The following PRKG1 variants were observed in gnomAD, a reference collection of about 807,000 sequenced individuals.
PRKG1 encodes cGMP-dependent protein kinase 1.
Under a neutral mutation model 88.1 loss-of-function variants are expected in PRKG1, and 35 were observed. The observed-to-expected ratio is 0.40, with a 90% CI of 0.30 to 0.53. The LOEUF (loss-of-function observed/expected upper bound fraction) is 0.53. PRKG1 is among the 20% of genes least tolerant of loss of function. The pLI, the probability that PRKG1 is intolerant of heterozygous loss-of-function variation, is 0.59. For missense variants in PRKG1, 540 were observed against 839.8 expected (o/e 0.64, Z 4.41); for synonymous variants, 303 against 292.5 (o/e 1.04, Z -0.37).
intron 5 of PRKG1, among the ~76,000 whole-genome samples, chr10:51,970,974 G>C (rs1298071348): frequency 6.6e-6 from 1 of 151,484 alleles, no homozygotes; most frequent in Non-Finnish European, 1.5e-5. Flanking sequence ...TACTAGAATG[G>C]CTAGACAACT....
intron 7 of PRKG1, among the ~76,000 whole-genome samples, chr10:52,074,574 C>G (rs1246760510): frequency 6.6e-6 from 1 of 152,112 alleles, no homozygotes; most frequent in African/African-American, 2.4e-5. Flanking sequence ...AAATGTTTCA[C>G]TTGGAGTTAA....
At chr10:52,183,772 G>A (rs369743213) in intron 9 of PRKG1, among the ~76,000 whole-genome samples, 79 of 152,310 alleles carry the variant, frequency 5.2e-4, no homozygotes, top group African/African-American at 1.7e-3. Context: ...GAGGGAGTGC[G>A]CATGTTGTGT....
chr10:51,136,190 G>A (rs923912274), intron 1 of PRKG1, among the ~76,000 whole-genome samples: 4 of 152,018 alleles, frequency 2.6e-5, no homozygotes, highest in Non-Finnish European at 4.4e-5. Flanking sequence ...GGATAAGTTC[G>A]AAGGTGACCT....
chr10:52,112,188 C>T (rs1194854574), intron 7 of PRKG1, among the ~76,000 whole-genome samples: 2 of 152,202 alleles, frequency 1.3e-5, no homozygotes, highest in Non-Finnish European at 2.9e-5. Flanking sequence ...TCCTTTTTCA[C>T]ATACTCACTC....
At chr10:51,086,857 C>T (rs1044769645) in intron 1 of PRKG1, among the ~76,000 whole-genome samples, 9 of 152,170 alleles carry the variant, frequency 5.9e-5, no homozygotes, top group Admixed American at 1.3e-4. Context: ...AGTCATCTAT[C>T]GTAATAGAGC....
At chr10:51,990,450 TC>T (rs1256697939) in intron 5 of PRKG1, among the ~76,000 whole-genome samples, 1 of 152,174 alleles carries the variant, frequency 6.6e-6, no homozygotes, top group African/African-American at 2.4e-5. Context: ...TATCAGTTCT[TC>T]CAATCCATGA....
chr10:50,991,730 T>C lies in PRKG1; in HGVS notation c.266+86T>C. ...CTCTGGCCGCGGCGGCGGGGGCGGG[T>C]CGGCCCAGGGCGCCCCCTGCTCGCT... On this transcript the variant is annotated intron_variant, in intron 1 of 17. Coordinates refer to the PRKG1 transcript ENST00000401604. This position sits in a 1 kb window ranked among gnomAD's most constrained non-coding sequence, Gnocchi z 4.5. The C allele has an allele frequency of 9.5e-7, 1 of 1,048,726 alleles. No individual in the cohort carries two copies. The allele number at this position is 1,048,726 out of a possible 1,614,324, so 65.0% of individuals were successfully genotyped here.
intron 5 of PRKG1, among the ~76,000 whole-genome samples, chr10:51,985,533 T>G (rs1026306083): frequency 2.6e-5 from 4 of 152,212 alleles, no homozygotes; most frequent in Non-Finnish European, 5.9e-5. Flanking sequence ...TTAAGATTGC[T>G]TCTGTCAGCT....
At chr10:51,209,243 C>A (rs1838149309) in intron 2 of PRKG1, among the ~76,000 whole-genome samples, 1 of 152,050 alleles carries the variant, frequency 6.6e-6, no homozygotes, top group African/African-American at 2.4e-5. Context: ...AAATGTATTC[C>A]TTTATTGGTG....
chr10:52,161,979 C>G lies in PRKG1; in HGVS notation c.1076+16C>G. 1.3e-6 allele frequency: 2 copies of G among 1,593,886 alleles called. No individual in the cohort carries two copies. Among genetic ancestry groups the G allele is most frequent in the East Asian group, 2.2e-5 (1 of 44,648 alleles). ...CTAAAGCAAAGTAAGTGACTTTTTT[C>G]CTTAATTTTGATTGCAAAATGATTT... is the stretch of plus-strand genomic sequence containing the variant. On this transcript the variant is annotated intron_variant, in intron 9 of 17. Transcript: ENST00000373980.
At chr10:51,820,176 A>T (rs1212017011) in intron 4 of PRKG1, among the ~76,000 whole-genome samples, 1 of 152,178 alleles carries the variant, frequency 6.6e-6, no homozygotes, top group African/African-American at 2.4e-5. Context: ...GTTATATGCA[A>T]CTATTTTCCT....
At position 52,161,871 on chromosome 10, in the gene PRKG1, GC is replaced by G. The variant is rs1564496045; in HGVS notation, c.1002-17del. On this transcript the variant is annotated splice_polypyrimidine_tract_variant and intron_variant, in intron 8 of 17. Transcript: ENST00000373980. The stretch of plus-strand genomic sequence containing the variant: ...TATTTTGTAGAAGATTAATCACTGT[GC>G]TTTTTTCGTCTGACAGCTCTTTTAA... 7.5e-6 allele frequency: 12 copies of G among 1,609,892 alleles called. No individual in the cohort carries two copies. The highest frequency in any genetic ancestry group is 5.3e-5 in the African/African-American group (4 of 74,786).
intron 4 of PRKG1, among the ~76,000 whole-genome samples, chr10:51,808,387 A>G (rs1257822110): frequency 6.6e-6 from 1 of 152,132 alleles, no homozygotes; most frequent in Non-Finnish European, 1.5e-5. Flanking sequence ...GTTTGAGCTC[A>G]GGAGTTTGAA....
At chr10:51,921,589 CT>C (rs1034234670) in intron 5 of PRKG1, among the ~76,000 whole-genome samples, 3 of 151,992 alleles carry the variant, frequency 2.0e-5, no homozygotes, top group African/African-American at 4.8e-5. Flanking sequence ...AAACTTACCC[CT>C]ATTCTTAGTT....
At chr10:52,082,088 CA>C (rs1451483271) in intron 7 of PRKG1, among the ~76,000 whole-genome samples, 2 of 152,100 alleles carry the variant, frequency 1.3e-5, no homozygotes, top group African/African-American at 2.4e-5. Flanking sequence ...TCCTTCTTCA[CA>C]TGAAGGCGGC....
chr10:51,335,806 A>G (rs1348267272), intron 2 of PRKG1, among the ~76,000 whole-genome samples: 2 of 152,210 alleles, frequency 1.3e-5, no homozygotes, highest in African/African-American at 4.8e-5. Context: ...AAGATCATTG[A>G]GTAGTTAATA....
intron 6 of PRKG1, among the ~76,000 whole-genome samples, chr10:52,062,030 A>G (rs1846247900): frequency 6.6e-6 from 1 of 152,190 alleles, no homozygotes; most frequent in Non-Finnish European, 1.5e-5. Context: ...AAGTAAATAT[A>G]TTTACATAAT....
chr10:52,224,137 A>G (rs1196612081), intron 9 of PRKG1, among the ~76,000 whole-genome samples: 1 of 152,114 alleles, frequency 6.6e-6, no homozygotes, highest in African/African-American at 2.4e-5. Flanking sequence ...ACAAGGCCCC[A>G]GACAACTTGC....
At position 51,451,198 on chromosome 10, in the gene PRKG1, C is replaced by CT. The variant is rs558497153; in HGVS notation, c.479-16524dup. Reference sequence around the variant, plus strand: ...TAAATAATAAGACCTAACAGTATGTCTAATAACTACCATGAGTTTAAGGGA... The same window carrying CT: ...TAAATAATAAGACCTAACAGTATGTCTTAATAACTACCATGAGTTTAAGGGA... On this transcript the variant is annotated intron_variant, in intron 2 of 17. Coordinates refer to ENST00000373980, the MANE Select transcript of PRKG1 (RefSeq NM_006258.4). Among the ~76,000 whole-genome samples, 258 of 151,874 alleles carry CT rather than the reference C, an allele frequency of 1.7e-3. 1 individual carries two copies. The highest frequency in any genetic ancestry group is 0.014 in the Middle Eastern group (4 of 292).
Sources: gnomAD v4.1 joint callset for allele counts (sites outside exome capture counted in the v4.1 genomes callset) on GRCh38, gnomAD v4.1.1 for gene constraint, Gnocchi (gnomAD v3.1) non-coding constraint, MANE v1.5 for transcripts, NCBI Gene and HGNC (gene_info 2026-07-23, HGNC 2026-07-21) for gene names.